Variants in INSR observed in about 807,000 individuals in gnomAD.
INSR encodes the protein insulin receptor.
In INSR, 67 loss-of-function variants were observed where a neutral mutation model predicts 142.6. That is an observed-to-expected ratio of 0.47 (90% CI 0.39 to 0.58). The LOEUF (loss-of-function observed/expected upper bound fraction) is 0.58. Among genes scored for constraint, INSR ranks in the 20% least tolerant of loss-of-function variants. INSR has a pLI of 0.00. For synonymous variants in INSR, 756 were observed against 743.1 expected (o/e 1.02, Z -0.28); for missense variants, 1,248 against 1,833.2 (o/e 0.68, Z 5.83).
At chr19:7,156,488 G>C (rs1361565101) in intron 9 of INSR, among the ~76,000 whole-genome samples, 4 of 152,044 alleles carry the variant, frequency 2.6e-5, no homozygotes, top group Non-Finnish European at 5.9e-5. Context: ...GATATTTTTA[G>C]GTGTCAGGAC....
At chr19:7,154,820 A>G (rs1973548759) in intron 9 of INSR, among the ~76,000 whole-genome samples, 1 of 151,898 alleles carries the variant, frequency 6.6e-6, no homozygotes, top group Non-Finnish European at 1.5e-5. Flanking sequence ...GCTACTCAGG[A>G]GGCTGAGGCA....
intron 2 of INSR, among the ~76,000 whole-genome samples, chr19:7,234,299 C>T (rs973040119): frequency 5.9e-5 from 9 of 151,970 alleles, no homozygotes; most frequent in Admixed American, 1.3e-4. Context: ...CTGGAACTCC[C>T]TGGCTCAAGC....
intron 2 of INSR, among the ~76,000 whole-genome samples, chr19:7,208,070 C>T (rs994730455): frequency 6.6e-6 from 1 of 152,108 alleles, no homozygotes; most frequent in East Asian, 1.9e-4. Context: ...CCCCAGAAAA[C>T]CACCTCGTGT....
chr19:7,113,841 G>T lies in INSR; in HGVS notation c.*3215C>A, dbSNP rs1972258915. ...AAACTGGTGAATCCCATTTGCAAGGGGCAGGCCCAGCACACCCTACCTTTC... is the reference window on the plus strand; with the variant it reads ...AAACTGGTGAATCCCATTTGCAAGGTGCAGGCCCAGCACACCCTACCTTTC... On this transcript the variant is annotated 3_prime_UTR_variant, in exon 22 of 22. Coordinates refer to ENST00000302850, the MANE Select transcript of INSR (RefSeq NM_000208.4). 6.6e-6 allele frequency: 1 copy of T among 151,948 alleles called. No homozygotes were observed. Among genetic ancestry groups the T allele is most frequent in the Admixed American group, 6.6e-5 (1 of 15,262 alleles). The allele number at this position is 151,948 out of a possible 1,614,324, so 9.4% of individuals were successfully genotyped here. A position where few individuals can be genotyped will look rare whatever the true frequency, so the allele number is the denominator to read the frequency against.
intron 1 of INSR, among the ~76,000 whole-genome samples, chr19:7,271,391 T>C (rs1256739450): frequency 6.6e-6 from 1 of 151,776 alleles, no homozygotes; most frequent in Non-Finnish European, 1.5e-5. Flanking sequence ...TTCCAGACAC[T>C]TGGGAGTCTG....
chr19:7,175,674 A>G (rs1290841685), intron 3 of INSR, among the ~76,000 whole-genome samples: 1 of 152,054 alleles, frequency 6.6e-6, no homozygotes, highest in Non-Finnish European at 1.5e-5. Flanking sequence ...GTCTCTACTA[A>G]AAATACAAAA....
chr19:7,232,533 G>C (rs967806454), intron 2 of INSR, among the ~76,000 whole-genome samples: 29 of 152,200 alleles, frequency 1.9e-4, no homozygotes, highest in African/African-American at 6.5e-4. Flanking sequence ...TCAGTTGTTG[G>C]CCGGGCCCAG....
rs1176785907 is a variant in INSR at position 7,117,133 on chromosome 19, G to A, written c.4072C>T (p.His1358Tyr). Residue 1358 changes from histidine to tyrosine, a missense_variant, in exon 22 of 22, where the codon CAC becomes TAC. Physicochemically the swap from His to Tyr is moderately conservative, Grantham distance 83. This residue lies in a region of INSR where 122 missense variants were observed against 129.8 expected (regional missense o/e 0.94). Coordinates refer to ENST00000302850, the MANE Select transcript of INSR (RefSeq NM_000208.4). The stretch of plus-strand genomic sequence containing the variant: ...CCGTTCATGTGTGTGTAAGGGATGT[G>A]TTCCTCGTAGCTCCGCTTGAAACCC... ...SLGFKRSYEE[H>Y]IPYTHMNGGK... is the part of the protein sequence containing the mutation. 2.8e-5 allele frequency: 45 copies of A among 1,613,986 alleles called. No homozygotes were observed. Among genetic ancestry groups the A allele is most frequent in the Non-Finnish European group, 3.7e-5 (44 of 1,180,020 alleles).
At chr19:7,229,078 T>TATGGATGGATGGGTGATTGGATGAGTGG (rs1975874291) in intron 2 of INSR, among the ~76,000 whole-genome samples, 1 of 145,338 alleles carries the variant, frequency 6.9e-6, no homozygotes, top group Non-Finnish European at 1.5e-5. Flanking sequence ...TGAGTGGATG[T>TATGGATGGATGGGTGATTGGATGAGTGG]ATGGATGGAT....
At position 7,125,170 on chromosome 19, in the gene INSR, G is replaced by T; in HGVS notation, c.3258+113C>A. ...TAGGATGGGAAGCTTAGTGGAGTGA[G>T]GGGTGGGTAGGAGGTTACACCCTGT... On this transcript the variant is annotated intron_variant, in intron 17 of 21. Coordinates refer to ENST00000302850, the MANE Select transcript of INSR (RefSeq NM_000208.4). This position sits in a 1 kb window ranked among gnomAD's most constrained non-coding sequence, Gnocchi z 4.9. 1.6e-6 allele frequency: 2 copies of T among 1,273,266 alleles called. No individual in the cohort carries two copies. The highest frequency in any genetic ancestry group is 2.5e-5 in the South Asian group (2 of 80,720). The allele number at this position is 1,273,266 out of a possible 1,614,324, so 78.9% of individuals were successfully genotyped here. A position where few individuals can be genotyped will look rare whatever the true frequency, so the allele number is the denominator to read the frequency against.
intron 1 of INSR, among the ~76,000 whole-genome samples, chr19:7,292,302 G>A (rs1968512759): frequency 6.6e-6 from 1 of 151,912 alleles, no homozygotes; most frequent in Admixed American, 6.6e-5. Flanking sequence ...ATGTTGGCCA[G>A]GATGGTCTCC....
intron 2 of INSR, among the ~76,000 whole-genome samples, chr19:7,211,203 A>G (rs1028151948): frequency 2.0e-5 from 3 of 152,102 alleles, no homozygotes; most frequent in African/African-American, 7.2e-5. Context: ...TGTAGCTGCG[A>G]CTACAGGTGC....
chr19:7,135,824 C>T (rs755125722), intron 13 of INSR, among the ~76,000 whole-genome samples: 30 of 151,734 alleles, frequency 2.0e-4, no homozygotes, highest in Non-Finnish European at 4.1e-4. Context: ...AAAAATTAGC[C>T]GGGCGAGGTC....
intron 2 of INSR, among the ~76,000 whole-genome samples, chr19:7,266,593 C>G (rs919453302): frequency 6.6e-6 from 1 of 152,088 alleles, no homozygotes; most frequent in Non-Finnish European, 1.5e-5. Flanking sequence ...CCGTGTTGGT[C>G]AGGTTGGTCT....
chr19:7,148,922 G>A (rs1004494997), intron 11 of INSR, among the ~76,000 whole-genome samples: 2 of 149,706 alleles, frequency 1.3e-5, no homozygotes, highest in Non-Finnish European at 3.0e-5. Flanking sequence ...AGCCTCCCGA[G>A]TAGCTGGGAC....
At chr19:7,288,100 C>T (rs1334409862) in intron 1 of INSR, among the ~76,000 whole-genome samples, 2 of 151,862 alleles carry the variant, frequency 1.3e-5, no homozygotes, top group African/African-American at 2.4e-5. Context: ...TTCCTCATGC[C>T]TATAATCCCA....
At chr19:7,144,698 A>G (rs1973148126) in intron 11 of INSR, among the ~76,000 whole-genome samples, 1 of 144,624 alleles carries the variant, frequency 6.9e-6, no homozygotes, top group Non-Finnish European at 1.5e-5. Flanking sequence ...GCCACCGCAC[A>G]TGGCTCTTTT....
At position 7,141,864 on chromosome 19, in the gene INSR, T is replaced by G. The variant is rs186826560; in HGVS notation, c.2543-48A>C. ...GCAGGGATGTAACTCTTGGATGAGA[T>G]CCCACTTCTGCCACCTGTCCATGGT... is the stretch of plus-strand genomic sequence containing the variant. On this transcript the variant is annotated intron_variant, in intron 12 of 21. Coordinates refer to ENST00000302850, the MANE Select transcript of INSR (RefSeq NM_000208.4). 6.2e-5 allele frequency: 93 copies of G among 1,503,882 alleles called. No individual in the cohort carries two copies. The African/African-American group carries it at 1.2e-3, about 19-fold the overall frequency. The allele number at this position is 1,503,882 out of a possible 1,614,324, so 93.2% of individuals were successfully genotyped here.
chr19:7,207,928 GGAAGGAAGGAAGGGAA>G (rs1568486920), intron 2 of INSR, among the ~76,000 whole-genome samples: 31 of 130,976 alleles, frequency 2.4e-4, no homozygotes, highest in African/African-American at 8.4e-4. Flanking sequence ...AAGGAAGGAA[GGAAGGAAGGAAGGGAA>G]GGAGGGAGGG....
Sources: gnomAD v4.1 joint callset for allele counts (sites outside exome capture counted in the v4.1 genomes callset) on GRCh38, gnomAD v4.1.1 for gene constraint, gnomAD v4.1.1 regional missense constraint, Gnocchi (gnomAD v3.1) non-coding constraint, MANE v1.5 for transcripts, NCBI Gene and HGNC (gene_info 2026-07-23, HGNC 2026-07-21) for gene names.